ZNF891: variants seen among roughly 807,000 people sequenced by gnomAD.
ZNF891 encodes the protein zinc finger protein 891.
For synonymous variants in ZNF891, 199 were observed against 209.0 expected, an observed-to-expected ratio of 0.95 and a Z score of 0.41; for missense variants, 589 against 632.7, an observed-to-expected ratio of 0.93 and a Z score of 0.74.
In ZNF891 at chr12:133,120,981, T is replaced by G; in HGVS notation, c.938A>C (p.Gln313Pro). The G allele has an allele frequency of 6.5e-7, 1 of 1,535,808 alleles. No homozygotes were observed. Among genetic ancestry groups the G allele is most frequent in the Admixed American group, 2.0e-5 (1 of 51,010 alleles). The change falls in exon 2 of 2, where the codon CAA becomes CCA. Residue 313 changes from glutamine to proline, a missense_variant. Transcript: ENST00000537226. ...TTCATGTTTCTTTTCAGTATGAGTT[T>G]GTCCTTGTTTCTTAAGGGATGATTG... ...CHQSSLKKQGQTHTEKKHECN... is the reference protein window; with the variant it reads ...CHQSSLKKQGPTHTEKKHECN...
intron 1 of ZNF891, chr12:133,122,253 A>G (rs2137620661): frequency 9.8e-7 from 1 of 1,022,412 alleles, no homozygotes; most frequent in East Asian, 8.8e-5. Flanking sequence ...GACCACTTTG[A>G]GCTCTGGGTG....
rs1310122335 is a variant in ZNF891 at position 133,121,512 on chromosome 12, T to C, written c.407A>G (p.Asn136Ser). Residue 136 changes from asparagine to serine, a missense_variant, in exon 2 of 2, where the codon AAT becomes AGT. Physicochemically the swap from Asn to Ser is conservative, Grantham distance 46. Coordinates refer to ENST00000537226, the MANE Select transcript of ZNF891 (RefSeq NM_001277291.2). ...TGTGAGTTTTATCATTTTCACTGCA[T>C]TGGATGGTTCCTCCCACAAAATTTT... The part of the protein sequence containing the change: ...VQKILWEEPS[N>S]AVKMIKLTMH... 1.9e-5 allele frequency: 29 copies of C among 1,536,312 alleles called. No individual in the cohort carries two copies. The highest frequency in any genetic ancestry group is 2.7e-5 in the African/African-American group (2 of 73,182).
chr12:133,123,589 C>T (rs1955785164), intron 1 of ZNF891, among the ~76,000 whole-genome samples: 1 of 151,814 alleles, frequency 6.6e-6, no homozygotes, highest in African/African-American at 2.4e-5. Context: ...GCGCCTGAAG[C>T]CCCAGCTACT....
At position 133,111,385 on chromosome 12, in the gene ZNF891, C is replaced by T. The variant is rs921463807; in HGVS notation, c.*8899G>A. 1.3e-5 allele frequency: 2 copies of T among 151,942 alleles called. No homozygotes were observed. Among genetic ancestry groups the T allele is most frequent in the Non-Finnish European group, 2.9e-5 (2 of 68,020 alleles). The allele number at this position is 151,942 out of a possible 1,614,324, so 9.4% of individuals were successfully genotyped here. The stretch of plus-strand genomic sequence containing the variant: ...TGTAATAGCACATGCCTGTGGTCCC[C>T]ACAACTGAGGAGGCTGAGGTAGGAG... On this transcript the variant is annotated 3_prime_UTR_variant, in exon 2 of 2. Transcript: ENST00000537226.
rs575551681 is a variant in ZNF891, at chr12:133,121,016, C to T, written c.903G>A (p.Thr301=). The part of the protein sequence containing the change: ...QNACECNKDE[T]LCHQSSLKKQ... ...TCTTAAGGGATGATTGATGACACAG[C>T]GTTTCATCTTTATTACATTCACAGG... Residue 301 remains threonine, a synonymous_variant, in exon 2 of 2, where the codon ACG becomes ACA. Transcript: ENST00000537226. 50 of 1,535,622 alleles carry T rather than the reference C, an allele frequency of 3.3e-5. No individual in the cohort carries two copies. The highest frequency in any genetic ancestry group is 6.8e-5 in the African/African-American group (5 of 73,148).
rs1052429139 is a variant in ZNF891, at chr12:133,116,566, G to C, written c.*3718C>G. The C allele has an allele frequency of 1.3e-5, 2 of 152,062 alleles. No individual in the cohort carries two copies. Among genetic ancestry groups the C allele is most frequent in the African/African-American group, 2.4e-5 (1 of 41,382 alleles). 9.4% of individuals were successfully genotyped at this position (152,062 alleles called of 1,614,324 possible). On this transcript the variant is annotated 3_prime_UTR_variant, in exon 2 of 2. Transcript: ENST00000537226. Reference sequence around the variant, plus strand: ...CCCATCATCTTCTTACAGACTGCTGGGATTTAACCTATACTCCCTCTAAAT... The same window carrying C: ...CCCATCATCTTCTTACAGACTGCTGCGATTTAACCTATACTCCCTCTAAAT...
chr12:133,123,899 C>CAATAGGA (rs1277659741), intron 1 of ZNF891, among the ~76,000 whole-genome samples: 3 of 152,054 alleles, frequency 2.0e-5, no homozygotes, highest in African/African-American at 7.2e-5. Context: ...AAACACTAAA[C>CAATAGGA]AACTTTACTA....
At position 133,106,770 on chromosome 12, in the gene ZNF891, A is replaced by G. The variant is rs1036835364; in HGVS notation, c.*13514T>C. 7.5e-6 allele frequency: 7 copies of G among 929,652 alleles called. No individual in the cohort carries two copies. In the African/African-American group the frequency reaches 1.2e-4, roughly 16 times the overall value. The allele number at this position is 929,652 out of a possible 1,614,324, so 57.6% of individuals were successfully genotyped here. A position where few individuals can be genotyped will look rare whatever the true frequency, so the allele number is the denominator to read the frequency against. Reference sequence around the variant, plus strand: ...GTGAAAGTGATGACTGTGAAGTAATATGGCCCACACTTTATTCACCACCCT... The same window carrying G: ...GTGAAAGTGATGACTGTGAAGTAATGTGGCCCACACTTTATTCACCACCCT... On this transcript the variant is annotated 3_prime_UTR_variant, in exon 2 of 2. Coordinates refer to ENST00000537226, the MANE Select transcript of ZNF891 (RefSeq NM_001277291.2).
rs1955642102 is a variant in ZNF891, at chr12:133,107,584, G to A, written c.*12700C>T. The stretch of plus-strand genomic sequence containing the variant: ...TGATTTTAACTTTCAGACAGAGTTT[G>A]GATTTAAGGTAATGCTGACAGTTAT... On this transcript the variant is annotated 3_prime_UTR_variant, in exon 2 of 2. Transcript: ENST00000537226. 6.6e-6 allele frequency: 1 copy of A among 152,152 alleles called. No individual in the cohort carries two copies. Among genetic ancestry groups the A allele is most frequent in the Non-Finnish European group, 1.5e-5 (1 of 68,016 alleles). The allele number at this position is 152,152 out of a possible 1,614,324, so 9.4% of individuals were successfully genotyped here.
rs1448136634 is a variant in ZNF891 at position 133,105,186 on chromosome 12, A to G, written c.*15098T>C. Among the ~76,000 whole-genome samples the G allele has an allele frequency of 2.0e-5, 3 of 152,224 alleles. No homozygotes were observed. The highest frequency in any genetic ancestry group is 4.4e-5 in the Non-Finnish European group (3 of 68,042). On this transcript the variant is annotated 3_prime_UTR_variant, in exon 2 of 2. Coordinates refer to ENST00000537226, the MANE Select transcript of ZNF891 (RefSeq NM_001277291.2). ...GCAGCATTATGAAATTGCCATTTTT[A>G]GATAATTCTGGCAGTAAATACCGTT...
chr12:133,124,480 C>A (rs1200310631), intron 1 of ZNF891, among the ~76,000 whole-genome samples: 2 of 151,878 alleles, frequency 1.3e-5, no homozygotes, highest in African/African-American at 4.8e-5. Context: ...TACCATGTGC[C>A]ATGTAGAATA....
At position 133,115,840 on chromosome 12, in the gene ZNF891, T is replaced by C. The variant is rs2137613366; in HGVS notation, c.*4444A>G. 1 of 152,190 alleles carries C rather than the reference T, an allele frequency of 6.6e-6. No individual in the cohort carries two copies. The highest frequency in any genetic ancestry group is 2.4e-5 in the African/African-American group (1 of 41,454). 9.4% of individuals were successfully genotyped at this position (152,190 alleles called of 1,614,324 possible). On this transcript the variant is annotated 3_prime_UTR_variant, in exon 2 of 2. Transcript: ENST00000537226. ...AGAACTGTTTTGGATTTTGGAATAT[T>C]TGCATTATACCTACTAGTTGAGCAT...
Position 133,121,148 on chromosome 12 carries a change from A to C in ZNF891, c.771T>G (p.Phe257Leu), listed in dbSNP as rs1344369510. 1.3e-6 allele frequency: 2 copies of C among 1,535,274 alleles called. No individual in the cohort carries two copies. The highest frequency in any genetic ancestry group is 1.7e-6 in the Non-Finnish European group (2 of 1,146,652). Residue 257 changes from phenylalanine to leucine, a missense_variant, in exon 2 of 2, where the codon TTT becomes TTG. Coordinates refer to ENST00000537226, the MANE Select transcript of ZNF891 (RefSeq NM_001277291.2). ...CTTTTTGTACTGTTTGATTTCTCTG[A>C]AAATGCCATAGAGTTGTATCACATT... is the stretch of plus-strand genomic sequence containing the variant. ...SHECDTTLWH[F>L]QRNQTVQKEY...
Position 133,120,777 on chromosome 12 carries a change from C to G in ZNF891, c.1142G>C (p.Cys381Ser). The change falls in exon 2 of 2, where the codon TGT (cysteine) becomes TCT (serine). Residue 381 changes from cysteine (C) to serine (S), a missense_variant. By Grantham distance (112) the Cys-to-Ser change is moderately radical (BLOSUM62 -1). Coordinates refer to ENST00000537226, the MANE Select transcript of ZNF891 (RefSeq NM_001277291.2). ...TGEKPYECNQ[C>S]GKAFSQKTSL... Reference sequence around the variant, plus strand: ...TGTTTTTTGACTGAAAGCTTTTCCACATTGATTACATTCATAGGGTTTCTC... The same window carrying G: ...TGTTTTTTGACTGAAAGCTTTTCCAGATTGATTACATTCATAGGGTTTCTC... 6.4e-7 allele frequency: 1 copy of G among 1,569,898 alleles called. No homozygotes were observed. Among genetic ancestry groups the G allele is most frequent in the South Asian group, 1.2e-5 (1 of 85,752 alleles).
chr12:133,113,716 GT>G lies in ZNF891; in HGVS notation c.*6567del, dbSNP rs5802000. 0.29 allele frequency: 43,846 copies of G among 151,738 alleles called. 6,567 individuals are homozygous for G. The highest frequency in any genetic ancestry group is 0.34 in the African/African-American group (14,035 of 41,338). The allele number at this position is 151,738 out of a possible 1,614,324, so 9.4% of individuals were successfully genotyped here. On this transcript the variant is annotated 3_prime_UTR_variant, in exon 2 of 2. Coordinates refer to ENST00000537226, the MANE Select transcript of ZNF891 (RefSeq NM_001277291.2). ...GACATTTATTGCTTTACTGTCCCAAGTTTTTTTTGGTTTGTTTTTGTTTTTA... is the reference window on the plus strand; with the variant it reads ...GACATTTATTGCTTTACTGTCCCAAGTTTTTTTGGTTTGTTTTTGTTTTTA...
rs60411285 is a variant in ZNF891, at chr12:133,113,063, A to AATATAT, written c.*7215_*7220dup. The AATATAT allele has an allele frequency of 6.9e-6, 1 of 145,880 alleles. No homozygotes were observed. The highest frequency in any genetic ancestry group is 2.6e-5 in the African/African-American group (1 of 39,178). 9.0% of individuals were successfully genotyped at this position (145,880 alleles called of 1,614,324 possible). A position where few individuals can be genotyped will look rare whatever the true frequency, so the allele number is the denominator to read the frequency against. Reference sequence around the variant, plus strand: ...GACAGAGCAAGACTCTGTCTCAAAAAATATATATATATATATTTATATTTA... The same window carrying AATATAT: ...GACAGAGCAAGACTCTGTCTCAAAAAATATATATATATATATATATATTTATATTTA... On this transcript the variant is annotated 3_prime_UTR_variant, in exon 2 of 2. Transcript: ENST00000537226.
In ZNF891 at chr12:133,106,197, G is replaced by T; in HGVS notation, c.*14087C>A. On this transcript the variant is annotated 3_prime_UTR_variant, in exon 2 of 2. Transcript: ENST00000537226. ...AAACCTTATGAATGCATTGAATGTGGGAAGGCATTTCGCCGTTTCTCACAC... is the reference window on the plus strand; with the variant it reads ...AAACCTTATGAATGCATTGAATGTGTGAAGGCATTTCGCCGTTTCTCACAC... 6.2e-7 allele frequency: 1 copy of T among 1,613,988 alleles called. No individual in the cohort carries two copies. Among genetic ancestry groups the T allele is most frequent in the Non-Finnish European group, 8.5e-7 (1 of 1,179,994 alleles).
Position 133,121,924 on chromosome 12 carries a change from G to A in ZNF891, c.-6C>T, listed in dbSNP as rs1483941078. Reference sequence around the variant, plus strand: ...GATAGGTCCATAACTGCCATTTTATGAGTACATAAGCCTGCACAGTAGAGT... The same window carrying A: ...GATAGGTCCATAACTGCCATTTTATAAGTACATAAGCCTGCACAGTAGAGT... On this transcript the variant is annotated 5_prime_UTR_variant, in exon 2 of 2. Transcript: ENST00000537226. 6.5e-7 allele frequency: 1 copy of A among 1,528,700 alleles called. No homozygotes were observed. The highest frequency in any genetic ancestry group is 2.0e-5 in the Admixed American group (1 of 50,566). The allele number at this position is 1,528,700 out of a possible 1,614,324, so 94.7% of individuals were successfully genotyped here.
In ZNF891 at chr12:133,106,395, T is replaced by G. The variant is rs751270119; in HGVS notation, c.*13889A>C. ...GTTTTCACTTGGCATGCATCCCTTATTCAACATACGAAGAGTCACACTGGA... is the reference window on the plus strand; with the variant it reads ...GTTTTCACTTGGCATGCATCCCTTAGTCAACATACGAAGAGTCACACTGGA... On this transcript the variant is annotated 3_prime_UTR_variant, in exon 2 of 2. Transcript: ENST00000537226. 1 of 1,614,178 alleles carries G rather than the reference T, an allele frequency of 6.2e-7. No individual in the cohort carries two copies. The highest frequency in any genetic ancestry group is 8.5e-7 in the Non-Finnish European group (1 of 1,180,018).
Sources: gnomAD v4.1 joint callset for allele counts (sites outside exome capture counted in the v4.1 genomes callset) on GRCh38, gnomAD v4.1.1 for gene constraint, MANE v1.5 for transcripts, NCBI Gene and HGNC (gene_info 2026-07-23, HGNC 2026-07-21) for gene names.